CRIM1: variants seen among roughly 807,000 people sequenced by gnomAD.
CRIM1 encodes cysteine-rich motor neuron 1 protein.
Under a neutral mutation model 116.4 loss-of-function variants are expected in CRIM1, and 32 were observed. That is an observed-to-expected ratio of 0.27 (90% CI 0.21 to 0.37). The LOEUF is 0.37. CRIM1 is among the 10% of genes least tolerant of loss of function. The pLI is 1.00. For missense variants in CRIM1, 1,331 were observed against 1,354.8 expected (o/e 0.98, Z 0.28); for synonymous variants, 590 against 509.2 (o/e 1.16, Z -2.13).
At chr2:36,367,281 T>C (rs533258402) in intron 1 of CRIM1, among the ~76,000 whole-genome samples, 1 of 152,350 alleles carries the variant, frequency 6.6e-6, no homozygotes, top group African/African-American at 2.4e-5. Context: ...AATTTCTGTG[T>C]TTTAATCAAG....
chr2:36,400,884 G>T (rs537528469), intron 2 of CRIM1, among the ~76,000 whole-genome samples: 19 of 152,086 alleles, frequency 1.2e-4, no homozygotes, highest in Non-Finnish European at 2.1e-4. Context: ...ACTTGCTCTC[G>T]AATCTCTTAC....
chr2:36,503,711 G>A (rs1364445549), intron 8 of CRIM1, among the ~76,000 whole-genome samples: 2 of 151,972 alleles, frequency 1.3e-5, no homozygotes, highest in African/African-American at 4.8e-5. Flanking sequence ...GGAATAATAG[G>A]TTGTTTTTTT....
chr2:36,527,180 AAAAT>A (rs1385763889), intron 13 of CRIM1, among the ~76,000 whole-genome samples: 1 of 151,296 alleles, frequency 6.6e-6, no homozygotes, highest in Non-Finnish European at 1.5e-5. Context: ...TACATTATAT[AAAAT>A]AAATACAAGT....
intron 12 of CRIM1, 147 bp from the exon 13 acceptor site, chr2:36,521,945 G>A (rs1328764854): frequency 5.4e-5 from 35 of 650,678 alleles, no homozygotes; most frequent in East Asian, 4.8e-4. Context: ...GACCCTTCCC[G>A]AATCATACTT....
rs1016876853 is a variant in CRIM1 at position 36,356,749 on chromosome 2, C to T, written c.331+126C>T. The T allele has an allele frequency of 3.2e-6, 3 of 923,878 alleles. No individual in the cohort carries two copies. The highest frequency in any genetic ancestry group is 1.7e-5 in the South Asian group (1 of 57,876). The allele number at this position is 923,878 out of a possible 1,614,324, so 57.2% of individuals were successfully genotyped here. On this transcript the variant is annotated intron_variant, in intron 1 of 16. Coordinates refer to ENST00000280527, the MANE Select transcript of CRIM1 (RefSeq NM_016441.3). This position sits in a 1 kb window ranked among gnomAD's most constrained non-coding sequence, Gnocchi z 4.3. The stretch of plus-strand genomic sequence containing the variant: ...AGGGCTCTGCGGGAAGAGGGGCGGC[C>T]GCCGCCCCCAGGAGAGTGCCCCCGC...
At chr2:36,512,207 T>G in intron 9 of CRIM1, 66 bp from the exon 10 acceptor site, 1 of 1,575,396 alleles carries the variant, frequency 6.3e-7, no homozygotes, top group Non-Finnish European at 8.7e-7. Context: ...ACCCTTGGTC[T>G]GAGTGCTTGG....
intron 6 of CRIM1, among the ~76,000 whole-genome samples, chr2:36,478,703 G>A (rs973274210): frequency 1.6e-4 from 25 of 152,172 alleles, no homozygotes; most frequent in African/African-American, 6.0e-4. Flanking sequence ...CAGCACAGCA[G>A]TAGTTGTTTG....
At chr2:36,465,948 C>T (rs1474850804) in intron 5 of CRIM1, among the ~76,000 whole-genome samples, 1 of 151,290 alleles carries the variant, frequency 6.6e-6, no homozygotes, top group African/African-American at 2.4e-5. Flanking sequence ...TGCAGTGGCG[C>T]AATCTCGGCT....
chr2:36,475,784 A>C (rs181267510), intron 5 of CRIM1, among the ~76,000 whole-genome samples: 2 of 152,336 alleles, frequency 1.3e-5, no homozygotes, highest in South Asian at 4.1e-4. Context: ...CATTTTTATC[A>C]TGAAAGAATA....
At chr2:36,480,848 TG>T (rs1679361994) in intron 7 of CRIM1, among the ~76,000 whole-genome samples, 1 of 152,136 alleles carries the variant, frequency 6.6e-6, no homozygotes, top group African/African-American at 2.4e-5. Flanking sequence ...CACCCCTGCA[TG>T]TATATATACT....
At chr2:36,396,977 A>G (rs1408950256) in intron 2 of CRIM1, among the ~76,000 whole-genome samples, 190 bp downstream of exon 2, 1 of 152,156 alleles carries the variant, frequency 6.6e-6, no homozygotes, top group Non-Finnish European at 1.5e-5. Flanking sequence ...ACGCTATGGA[A>G]TGGCGGTGCT....
At chr2:36,514,962 C>G (rs1424417476) in intron 11 of CRIM1, among the ~76,000 whole-genome samples, 1 of 152,146 alleles carries the variant, frequency 6.6e-6, no homozygotes, top group Non-Finnish European at 1.5e-5. Context: ...CCCTGTAGTT[C>G]AGTTAGAGGT....
intron 4 of CRIM1, among the ~76,000 whole-genome samples, chr2:36,449,884 A>AG (rs1676563516): frequency 9.9e-5 from 1 of 10,076 alleles, no homozygotes; most frequent in South Asian, 2.7e-3. Context: ...AAAACAAAAC[A>AG]AAAAAAAACC....
intron 7 of CRIM1, among the ~76,000 whole-genome samples, chr2:36,486,429 C>T (rs1679822855): frequency 6.6e-6 from 1 of 152,134 alleles, no homozygotes; most frequent in Non-Finnish European, 1.5e-5. Flanking sequence ...GACTGTCATA[C>T]TGAACCAAGT....
chr2:36,476,862 T>C (rs746938532), intron 5 of CRIM1, 27 bp from the exon 6 acceptor site: 3 of 1,574,390 alleles, frequency 1.9e-6, no homozygotes, highest in Non-Finnish European at 1.7e-6. Context: ...ACTACAAATA[T>C]GCCTTGTTTG....
At chr2:36,395,785 C>A (rs774547834) in intron 1 of CRIM1, among the ~76,000 whole-genome samples, 9 of 152,262 alleles carry the variant, frequency 5.9e-5, no homozygotes, top group Non-Finnish European at 8.8e-5. Flanking sequence ...TGGATACTAT[C>A]AGTCTCCCCA....
intron 8 of CRIM1, among the ~76,000 whole-genome samples, chr2:36,502,609 T>G (rs928177250): frequency 1.3e-5 from 2 of 152,226 alleles, no homozygotes; most frequent in African/African-American, 4.8e-5. Context: ...ATGACTAAAA[T>G]GCAAGACCTT....
intron 1 of CRIM1, among the ~76,000 whole-genome samples, chr2:36,383,735 T>G (rs1003061650): frequency 2.0e-4 from 30 of 152,264 alleles, no homozygotes; most frequent in African/African-American, 7.2e-4. Flanking sequence ...AAAATCAGAC[T>G]TCTTTGAAGA....
At chr2:36,528,233 A>G (rs1249029116) in intron 13 of CRIM1, among the ~76,000 whole-genome samples, 1 of 152,200 alleles carries the variant, frequency 6.6e-6, no homozygotes, top group Non-Finnish European at 1.5e-5. Flanking sequence ...TACAAGAGAA[A>G]TGCCTGGATA....
Sources: gnomAD v4.1 joint callset for allele counts (sites outside exome capture counted in the v4.1 genomes callset) on GRCh38, gnomAD v4.1.1 for gene constraint, Gnocchi (gnomAD v3.1) non-coding constraint, MANE v1.5 for transcripts, NCBI Gene and HGNC (gene_info 2026-07-23, HGNC 2026-07-21) for gene names.